The following TRAPPC12 variants were observed in gnomAD, a reference collection of about 807,000 sequenced individuals.
TRAPPC12 encodes TPR repeat protein 15.
Under a neutral mutation model 69.2 loss-of-function variants are expected in TRAPPC12, and 61 were observed. The observed-to-expected ratio is 0.88, with a 90% CI of 0.72 to 1.09. TRAPPC12 has a LOEUF of 1.09. TRAPPC12 is among the 50% of genes least tolerant of loss of function. The pLI is 0.00. For synonymous variants in TRAPPC12, 469 were observed against 438.9 expected (o/e 1.07, Z -0.86); for missense variants, 1,101 against 1,016.4 (o/e 1.08, Z -1.13).
chr2:3,465,626 T>G lies in TRAPPC12; in HGVS notation c.1707T>G (p.His569Gln). 6.2e-7 allele frequency: 1 copy of G among 1,614,162 alleles called. No homozygotes were observed. Among genetic ancestry groups the G allele is most frequent in the East Asian group, 2.2e-5 (1 of 44,890 alleles). The stretch of plus-strand genomic sequence containing the variant: ...ATGTGCTGGCCGTGGAGGCGTATCA[T>G]TCGGTTATCAAGTATTACCCAGAGC... ...KDYVLAVEAY[H>Q]SVIKYYPEQE... Residue 569 changes from histidine (H) to glutamine (Q), a missense_variant, in exon 9 of 12, where the codon CAT becomes CAG. By Grantham distance (24) the His-to-Gln change is conservative. Coordinates refer to ENST00000324266, the MANE Select transcript of TRAPPC12 (RefSeq NM_016030.6).
Position 3,428,481 on chromosome 2 carries a change from T to G in TRAPPC12, c.1417+3818T>G, listed in dbSNP as rs1204152279. Among the ~76,000 whole-genome samples the G allele has an allele frequency of 2.0e-5, 3 of 152,226 alleles. No homozygotes were observed. The East Asian group carries it at 5.8e-4, about 29-fold the overall frequency. ...GAGGCTATAATTATAAAAACTTTTA[T>G]GAATGAGCTTTAATATATTTCATGT... On this transcript the variant is annotated intron_variant, in intron 5 of 11. Coordinates refer to ENST00000324266, the MANE Select transcript of TRAPPC12 (RefSeq NM_016030.6).
intron 5 of TRAPPC12, among the ~76,000 whole-genome samples, chr2:3,441,025 C>A (rs905941289): frequency 2.0e-5 from 3 of 152,108 alleles, no homozygotes; most frequent in East Asian, 1.9e-4. Flanking sequence ...GTTCATAATT[C>A]TTTTTATACA....
At chr2:3,462,678 T>C (rs183730185) in intron 8 of TRAPPC12, among the ~76,000 whole-genome samples, 60 of 152,394 alleles carry the variant, frequency 3.9e-4, no homozygotes, top group Non-Finnish European at 5.1e-4. Flanking sequence ...TTATAAAGCA[T>C]TGAAAATGTC....
At chr2:3,410,456 G>T (rs1039080408) in intron 3 of TRAPPC12, among the ~76,000 whole-genome samples, 1 of 152,038 alleles carries the variant, frequency 6.6e-6, no homozygotes, top group Non-Finnish European at 1.5e-5. Flanking sequence ...TGAAATCATG[G>T]CAAAAGCTGA....
chr2:3,466,897 T>G (rs947899993), intron 9 of TRAPPC12, among the ~76,000 whole-genome samples: 4 of 152,226 alleles, frequency 2.6e-5, no homozygotes, highest in African/African-American at 9.6e-5. Context: ...CTGCCTCATG[T>G]GTAACATTAT....
At chr2:3,417,383 G>A (rs11677999) in intron 3 of TRAPPC12, among the ~76,000 whole-genome samples, 51,130 of 151,614 alleles carry the variant, frequency 0.34, 10,019 homozygotes, top group African/African-American at 0.54. Flanking sequence ...GTGATGCAGC[G>A]TCTGACCACG....
chr2:3,457,591 T>C, intron 6 of TRAPPC12, 30 bp from the exon 7 acceptor site: 1 of 1,605,766 alleles, frequency 6.2e-7, no homozygotes. Flanking sequence ...GTTCCCATGA[T>C]TTTGTCCTTC....
intron 6 of TRAPPC12, chr2:3,455,150 CTG>C (rs948464264): frequency 5.9e-5 from 9 of 152,248 alleles, no homozygotes; most frequent in Admixed American, 3.3e-4. Flanking sequence ...GGCTTTGCCT[CTG>C]TGATAGGTGT....
At chr2:3,473,089 G>A (rs1216565130) in intron 9 of TRAPPC12, among the ~76,000 whole-genome samples, 1 of 152,212 alleles carries the variant, frequency 6.6e-6, no homozygotes, top group East Asian at 1.9e-4. Flanking sequence ...AAGCTTGTCT[G>A]GTAGAGGAGG....
At chr2:3,418,698 G>A (rs995474097) in intron 3 of TRAPPC12, among the ~76,000 whole-genome samples, 13 of 152,124 alleles carry the variant, frequency 8.5e-5, no homozygotes, top group South Asian at 2.1e-4. Context: ...GGTGGGGGGC[G>A]TCCAAAGGAT....
At chr2:3,425,710 T>C (rs1379968990) in intron 5 of TRAPPC12, among the ~76,000 whole-genome samples, 1 of 152,226 alleles carries the variant, frequency 6.6e-6, no homozygotes, top group East Asian at 1.9e-4. Flanking sequence ...CTACAGAGAA[T>C]GGTCCTAGTT....
intron 2 of TRAPPC12, among the ~76,000 whole-genome samples, chr2:3,399,062 C>G (rs919710026): frequency 6.6e-6 from 1 of 152,246 alleles, no homozygotes; most frequent in Non-Finnish European, 1.5e-5. Context: ...AGCCACACAG[C>G]AAGGGCGAGG....
intron 2 of TRAPPC12, among the ~76,000 whole-genome samples, chr2:3,390,228 G>A (rs975255273): frequency 1.3e-5 from 2 of 152,160 alleles, no homozygotes; most frequent in Non-Finnish European, 2.9e-5. Context: ...AGTCATTTCC[G>A]TTTCCATTTA....
chr2:3,385,719 C>T (rs147421524), intron 1 of TRAPPC12, among the ~76,000 whole-genome samples: 145 of 152,176 alleles, frequency 9.5e-4, no homozygotes, highest in African/African-American at 3.4e-3. Context: ...AGATCCCTTT[C>T]TCTCATCATT....
chr2:3,450,783 G>C (rs1664810986), intron 6 of TRAPPC12, among the ~76,000 whole-genome samples: 1 of 152,142 alleles, frequency 6.6e-6, no homozygotes, highest in East Asian at 1.9e-4. Context: ...CACTTAGTAA[G>C]TTCTCAGGTC....
intron 3 of TRAPPC12, among the ~76,000 whole-genome samples, chr2:3,416,974 T>A (rs1184077310): frequency 1.3e-5 from 2 of 150,762 alleles, no homozygotes; most frequent in African/African-American, 4.9e-5. Flanking sequence ...GCAGATGCTC[T>A]GTGGTACCTG....
At position 3,410,653 on chromosome 2, in the gene TRAPPC12, CGTAA is replaced by C. The variant is rs574118153; in HGVS notation, c.1164+8764_1164+8767del. 2.4e-3 allele frequency among the ~76,000 whole-genome samples: 361 copies of C among 152,270 alleles called. No individual in the cohort carries two copies. The Middle Eastern group carries it at 0.024, about 10-fold the overall frequency. Reference sequence around the variant, plus strand: ...ATATGTCTTACTTGTTTAAAAAATACGTAAGTATCCATAATCAGATCTTCCCGTT... The same window carrying C: ...ATATGTCTTACTTGTTTAAAAAATACGTATCCATAATCAGATCTTCCCGTT... On this transcript the variant is annotated intron_variant, in intron 3 of 11. Transcript: ENST00000324266.
chr2:3,456,995 G>C, intron 6 of TRAPPC12: 1 of 432,154 alleles, frequency 2.3e-6, no homozygotes, highest in Non-Finnish European at 4.6e-6. Flanking sequence ...GCTGGGAGCA[G>C]AGTCCCTCCC....
At chr2:3,462,509 G>A (rs749599226) in intron 8 of TRAPPC12, among the ~76,000 whole-genome samples, 5 of 152,072 alleles carry the variant, frequency 3.3e-5, no homozygotes, top group Non-Finnish European at 7.4e-5. Context: ...ATGTATATGG[G>A]CTAACAATGA....
Sources: allele counts gnomAD v4.1 joint callset (sites outside exome capture counted in the v4.1 genomes callset), GRCh38; gene constraint gnomAD v4.1.1; transcripts MANE v1.5; gene names NCBI Gene and HGNC (gene_info 2026-07-23, HGNC 2026-07-21).